SDCCAG8: variants seen among roughly 807,000 people sequenced by gnomAD.
SDCCAG8 encodes serologically defined colon cancer antigen 8.
SDCCAG8 carries 74 observed loss-of-function variants against 101.8 expected under a neutral mutation model. The ratio of observed to expected loss-of-function variants is 0.73; its 90% confidence interval spans 0.60 to 0.88. SDCCAG8 has a LOEUF of 0.88. SDCCAG8 is among the 40% of genes least tolerant of loss of function. The pLI is 0.00. For missense variants in SDCCAG8, 787 were observed against 822.6 expected (o/e 0.96, Z 0.53); for synonymous variants, 281 against 292.9 (o/e 0.96, Z 0.41).
At position 243,429,200 on chromosome 1, in the gene SDCCAG8, A is replaced by G. The variant is rs559444348; in HGVS notation, c.1985+2642A>G. On this transcript the variant is annotated intron_variant, in intron 16 of 17. Coordinates refer to ENST00000366541, the MANE Select transcript of SDCCAG8 (RefSeq NM_006642.5). ...TTCATCTTATAAACAGACATTATAA[A>G]CTTATGGCATCAATATATAACAGTA... Among the ~76,000 whole-genome samples the G allele has an allele frequency of 1.2e-4, 18 of 152,290 alleles. No individual in the cohort carries two copies. The South Asian group carries it at 3.7e-3, about 32-fold the overall frequency.
chr1:243,490,265 G>A (rs1194537922), intron 17 of SDCCAG8, among the ~76,000 whole-genome samples: 2 of 152,240 alleles, frequency 1.3e-5, no homozygotes, highest in South Asian at 4.1e-4. Context: ...GCTAAGGCCT[G>A]GAGGTGGAAA....
chr1:243,490,976 A>G (rs884328), intron 17 of SDCCAG8, among the ~76,000 whole-genome samples: 28,736 of 152,204 alleles, frequency 0.19, 3,253 homozygotes, highest in East Asian at 0.39. Flanking sequence ...CTCTTGTCAC[A>G]TAGGAGGGAG....
In SDCCAG8 at chr1:243,274,542, G is replaced by A. The variant is rs1460888769; in HGVS notation, c.307-1G>A. ...ATTTATTTATTTATTTTTTGTCATAGAGGTCATTAGAACATGAGGAAACCA... is the reference window on the plus strand; with the variant it reads ...ATTTATTTATTTATTTTTTGTCATAAAGGTCATTAGAACATGAGGAAACCA... On this transcript the variant is annotated splice_acceptor_variant, in intron 3 of 17. Coordinates refer to ENST00000366541, the MANE Select transcript of SDCCAG8 (RefSeq NM_006642.5). LOFTEE classifies it high-confidence loss of function. 6.7e-6 allele frequency: 10 copies of A among 1,496,764 alleles called. No homozygotes were observed. Among genetic ancestry groups the A allele is most frequent in the Non-Finnish European group, 7.4e-6 (8 of 1,076,196 alleles). 92.7% of individuals were successfully genotyped at this position (1,496,764 alleles called of 1,614,324 possible).
At chr1:243,366,136 T>C (rs1310901453) in intron 12 of SDCCAG8, among the ~76,000 whole-genome samples, 1 of 152,102 alleles carries the variant, frequency 6.6e-6, no homozygotes, top group Non-Finnish European at 1.5e-5. Context: ...ACTTCTTGTA[T>C]TTAAATTGAC....
chr1:243,275,804 A>G (rs2068498052), intron 4 of SDCCAG8, among the ~76,000 whole-genome samples: 1 of 151,828 alleles, frequency 6.6e-6, no homozygotes, highest in Non-Finnish European at 1.5e-5. Flanking sequence ...AGGTTAGGAA[A>G]AGCTACTGTC....
chr1:243,292,617 G>A (rs948177237), intron 5 of SDCCAG8, among the ~76,000 whole-genome samples: 1 of 152,148 alleles, frequency 6.6e-6, no homozygotes, highest in African/African-American at 2.4e-5. Flanking sequence ...TGTATAAAAT[G>A]GAGGCAACAA....
intron 12 of SDCCAG8, 28 bp downstream of exon 12, chr1:243,344,359 C>A: frequency 7.2e-7 from 1 of 1,385,264 alleles, no homozygotes; most frequent in Non-Finnish European, 1.0e-6. Context: ...ATAATTGCAG[C>A]AATTATAGAT....
chr1:243,348,097 G>A (rs1281491189), intron 12 of SDCCAG8, among the ~76,000 whole-genome samples: 2 of 142,360 alleles, frequency 1.4e-5, no homozygotes, highest in East Asian at 2.1e-4. Context: ...GTGCAGTGGC[G>A]CGATCTCGGC....
chr1:243,469,422 A>G (rs539482250), intron 16 of SDCCAG8, among the ~76,000 whole-genome samples: 12 of 152,340 alleles, frequency 7.9e-5, no homozygotes, highest in African/African-American at 2.2e-4. Flanking sequence ...GTCCTAGGCA[A>G]TGGCAGTGTG....
chr1:243,327,191 A>G (rs564885017), intron 9 of SDCCAG8, among the ~76,000 whole-genome samples: 1 of 151,912 alleles, frequency 6.6e-6, no homozygotes, highest in African/African-American at 2.4e-5. Context: ...GCAGGCCCCA[A>G]ATTAACTTTG....
At chr1:243,259,356 G>C (rs1235446844) in intron 1 of SDCCAG8, among the ~76,000 whole-genome samples, 1 of 152,012 alleles carries the variant, frequency 6.6e-6, no homozygotes, top group African/African-American at 2.4e-5. Flanking sequence ...GCAGTGAGCC[G>C]AGATCGCGCC....
intron 13 of SDCCAG8, among the ~76,000 whole-genome samples, chr1:243,400,923 T>C (rs2079352233): frequency 6.6e-6 from 1 of 152,184 alleles, no homozygotes; most frequent in Non-Finnish European, 1.5e-5. Flanking sequence ...GATATGGCAA[T>C]ATTCCTCCCT....
intron 9 of SDCCAG8, among the ~76,000 whole-genome samples, chr1:243,319,176 C>G (rs1182981201): frequency 2.6e-5 from 4 of 151,988 alleles, no homozygotes; most frequent in African/African-American, 9.7e-5. Context: ...AGGGATCCAC[C>G]CCCATGACCC....
At chr1:243,496,523 G>C (rs529529026) in intron 17 of SDCCAG8, among the ~76,000 whole-genome samples, 2 of 152,212 alleles carry the variant, frequency 1.3e-5, no homozygotes, top group African/African-American at 2.4e-5. Context: ...CAGAGACAGC[G>C]TGCCAGTGAG....
intron 17 of SDCCAG8, among the ~76,000 whole-genome samples, chr1:243,491,492 T>G (rs1259654767): frequency 6.6e-6 from 1 of 152,224 alleles, no homozygotes; most frequent in Non-Finnish European, 1.5e-5. Context: ...TGGCTTTCAG[T>G]TGCAAATACT....
At position 243,282,589 on chromosome 1, in the gene SDCCAG8, C is replaced by T. The variant is rs531751953; in HGVS notation, c.421-3683C>T. ...GAAGAACTTTTTTAAACATTTCTTGCAAGGCATATATGCTAGCAATAAATT... is the reference window on the plus strand; with the variant it reads ...GAAGAACTTTTTTAAACATTTCTTGTAAGGCATATATGCTAGCAATAAATT... On this transcript the variant is annotated intron_variant, in intron 4 of 17. Transcript: ENST00000366541. 2.5e-3 allele frequency among the ~76,000 whole-genome samples: 384 copies of T among 152,232 alleles called. 1 individual carries two copies. The highest frequency in any genetic ancestry group is 4.7e-3 in the Non-Finnish European group (323 of 68,012).
At chr1:243,284,971 C>T (rs1242374252) in intron 4 of SDCCAG8, among the ~76,000 whole-genome samples, 15 of 152,112 alleles carry the variant, frequency 9.9e-5, no homozygotes, top group Non-Finnish European at 2.9e-5. Flanking sequence ...AAACCTTGGC[C>T]TCCCAGGTTC....
chr1:243,477,609 C>T (rs2148213831), intron 16 of SDCCAG8, among the ~76,000 whole-genome samples: 1 of 152,324 alleles, frequency 6.6e-6, no homozygotes, highest in East Asian at 1.9e-4. Flanking sequence ...AGCTGTGCCT[C>T]CTTTTTGGTA....
At chr1:243,419,009 C>T (rs796133345) in intron 15 of SDCCAG8, among the ~76,000 whole-genome samples, 9 of 152,106 alleles carry the variant, frequency 5.9e-5, no homozygotes, top group African/African-American at 1.4e-4. Flanking sequence ...ATGTTTCATT[C>T]GGGAAGGATT....
Sources: allele counts gnomAD v4.1 joint callset (sites outside exome capture counted in the v4.1 genomes callset), GRCh38; gene constraint gnomAD v4.1.1; transcripts MANE v1.5; gene names NCBI Gene and HGNC (gene_info 2026-07-23, HGNC 2026-07-21).